PDGFRA: variants seen among roughly 807,000 people sequenced by gnomAD.
PDGFRA encodes the protein platelet-derived growth factor receptor alpha.
Under a neutral mutation model 121.5 loss-of-function variants are expected in PDGFRA, and 25 were observed. The observed-to-expected ratio is 0.21, with a 90% CI of 0.15 to 0.29. The LOEUF (loss-of-function observed/expected upper bound fraction) is 0.29, where lower values mean the gene tolerates loss of function less well. PDGFRA is among the 10% of genes least tolerant of loss of function. The pLI is 1.00. For missense variants in PDGFRA, 1,008 were observed against 1,345.1 expected, an observed-to-expected ratio of 0.75 and a Z score of 3.92; for synonymous variants, 463 against 494.8, an observed-to-expected ratio of 0.94 and a Z score of 0.85.
chr4:54,261,269 A>G lies in PDGFRA; in HGVS notation c.224A>G (p.Glu75Gly), dbSNP rs1379511323. The part of the protein sequence containing the change: ...ESSDVEIRNE[E>G]NNSGLFVTVL... ...TCCGATGTGGAAATCAGAAATGAAG[A>G]AAACAACAGCGGCCTTTTTGTGACG... The change falls in exon 3 of 23, where the codon GAA (glutamate) becomes GGA (glycine). Residue 75 changes from glutamate to glycine, a missense_variant. Around this residue, in one of 5 missense-constraint regions of PDGFRA, gnomAD observed 575 missense variants for 701.8 expected, o/e 0.82. Transcript: ENST00000257290. 1 of 1,614,190 alleles carries G rather than the reference A, an allele frequency of 6.2e-7. No homozygotes were observed. The highest frequency in any genetic ancestry group is 8.5e-7 in the Non-Finnish European group (1 of 1,180,030).
chr4:54,237,813 C>A (rs1213319885), intron 1 of PDGFRA, among the ~76,000 whole-genome samples: 1 of 151,862 alleles, frequency 6.6e-6, no homozygotes, highest in Admixed American at 6.5e-5. Context: ...TATAATTTGC[C>A]CTAGGAAATA....
At chr4:54,233,391 G>A (rs1350753461) in intron 1 of PDGFRA, among the ~76,000 whole-genome samples, 1 of 152,248 alleles carries the variant, frequency 6.6e-6, no homozygotes, top group East Asian at 1.9e-4. Flanking sequence ...ACTCCCGGCT[G>A]CGCTGTCGGG....
intron 8 of PDGFRA, among the ~76,000 whole-genome samples, chr4:54,271,811 G>T (rs575668454): frequency 1.2e-3 from 114 of 96,064 alleles, no homozygotes; most frequent in African/African-American, 4.1e-3. Context: ...TCTTTTCTTT[G>T]CCTTTCTCTC....
At chr4:54,264,054 G>A (rs1410991126) in intron 4 of PDGFRA, 127 bp downstream of exon 4, 3 of 812,522 alleles carry the variant, frequency 3.7e-6, no homozygotes, top group African/African-American at 3.5e-5. Context: ...TGGGGATTTA[G>A]GACCCCAGCT....
chr4:54,270,173 G>C (rs1213515757), intron 7 of PDGFRA, among the ~76,000 whole-genome samples: 1 of 152,108 alleles, frequency 6.6e-6, no homozygotes, highest in Admixed American at 6.6e-5. Flanking sequence ...ATATCCTGCA[G>C]ACCGCTACAT....
chr4:54,288,881 C>T lies in PDGFRA; in HGVS notation c.2757C>T (p.Asp919=), dbSNP rs1189646004. ...GTGGGTACCGGATGGCCAAGCCTGA[C>T]CACGCTACCAGTGAAGTGTGAGCTC... The part of the protein sequence containing the change: ...IKSGYRMAKP[D]HATSEVYEIM... The change falls in exon 20 of 23, where the codon GAC becomes GAT. Residue 919 remains aspartate, a synonymous_variant. Coordinates refer to ENST00000257290, the MANE Select transcript of PDGFRA (RefSeq NM_006206.6). 6.2e-7 allele frequency: 1 copy of T among 1,607,760 alleles called. No homozygotes were observed. Among genetic ancestry groups the T allele is most frequent in the African/African-American group, 1.3e-5 (1 of 74,824 alleles).
chr4:54,285,589 G>A, intron 17 of PDGFRA, 103 bp downstream of exon 17: 1 of 752,282 alleles, frequency 1.3e-6, no homozygotes, highest in African/African-American at 1.7e-5. Context: ...TAATAACAGG[G>A]GCCTCTTACT....
chr4:54,263,980 A>G (rs2110254576), intron 4 of PDGFRA, 53 bp downstream of exon 4: 2 of 1,556,936 alleles, frequency 1.3e-6, no homozygotes, highest in African/African-American at 1.4e-5. Context: ...GCAAAATCAT[A>G]AGGTGCGTGT....
chr4:54,235,628 G>C, intron 1 of PDGFRA, among the ~76,000 whole-genome samples: 1 of 152,238 alleles, frequency 6.6e-6, no homozygotes, highest in East Asian at 1.9e-4. Context: ...GGTCATGGGA[G>C]TGGACTGCTG....
chr4:54,267,792 C>T lies in PDGFRA; in HGVS notation c.1121+51C>T, dbSNP rs28650939. 216,891 of 1,481,638 alleles carry T rather than the reference C, an allele frequency of 0.15. 19,093 individuals carry two copies. The highest frequency in any genetic ancestry group is 0.36 in the Admixed American group (21,574 of 59,214). The allele number at this position is 1,481,638 out of a possible 1,614,324, so 91.8% of individuals were successfully genotyped here. ...GCCTTTTTTTAGTGTGCATCAGAGGCGGACTGAGGTTTGTGTGTGTCTTAC... is the reference window on the plus strand; with the variant it reads ...GCCTTTTTTTAGTGTGCATCAGAGGTGGACTGAGGTTTGTGTGTGTCTTAC... On this transcript the variant is annotated intron_variant, in intron 7 of 22. Transcript: ENST00000257290.
At chr4:54,229,560 AT>A (rs920838716) in intron 1 of PDGFRA, 145 bp downstream of exon 1, 3,885 of 314,760 alleles carry the variant, frequency 0.012, no homozygotes, top group Middle Eastern at 0.02. Context: ...CCAGAGAGTA[AT>A]TTTTTTTTTT....
chr4:54,270,681 C>T lies in PDGFRA; in HGVS notation c.1170C>T (p.Gly390=), dbSNP rs1050708855. ...TCCGTGCTAAGGAAGAAGACAGTGG[C>T]CATTATACTATTGTAGCTCAAAATG... ...KLIRAKEEDS[G]HYTIVAQNED... is the part of the protein sequence containing the mutation. The change falls in exon 8 of 23, where the codon GGC becomes GGT. Residue 390 remains glycine (G), a synonymous_variant. Transcript: ENST00000257290. The T allele has an allele frequency of 4.3e-6, 7 of 1,612,084 alleles. No homozygotes were observed. The Admixed American group carries it at 5.0e-5, about 12-fold the overall frequency.
chr4:54,285,188 G>A (rs565619206), intron 16 of PDGFRA, among the ~76,000 whole-genome samples, 183 bp from the exon 17 acceptor site: 3 of 152,140 alleles, frequency 2.0e-5, no homozygotes, highest in Middle Eastern at 3.4e-3. Flanking sequence ...AAGCCACCAT[G>A]CCTGGCCTAT....
intron 2 of PDGFRA, among the ~76,000 whole-genome samples, chr4:54,260,247 C>G (rs1375737695): frequency 1.3e-5 from 2 of 151,998 alleles, no homozygotes; most frequent in African/African-American, 4.8e-5. Flanking sequence ...ACAAATAAAT[C>G]CACATCATCC....
intron 3 of PDGFRA, among the ~76,000 whole-genome samples, chr4:54,262,460 A>G (rs1722803770): frequency 6.6e-6 from 1 of 152,218 alleles, no homozygotes; most frequent in Non-Finnish European, 1.5e-5. Flanking sequence ...GACTATGGCT[A>G]GAATCCTTGG....
At chr4:54,284,598 G>GA (rs1724224844) in intron 16 of PDGFRA, among the ~76,000 whole-genome samples, 1 of 141,324 alleles carries the variant, frequency 7.1e-6, no homozygotes, top group African/African-American at 2.6e-5. Context: ...GAGAGAGAGA[G>GA]GTGCCATACA....
intron 1 of PDGFRA, among the ~76,000 whole-genome samples, chr4:54,247,908 A>G (rs1366132690): frequency 6.6e-6 from 1 of 152,236 alleles, no homozygotes; most frequent in Non-Finnish European, 1.5e-5. Flanking sequence ...AAAAATCACA[A>G]GCATTCTTAT....
At chr4:54,268,458 A>G (rs1723160394) in intron 7 of PDGFRA, among the ~76,000 whole-genome samples, 1 of 152,208 alleles carries the variant, frequency 6.6e-6, no homozygotes, top group African/African-American at 2.4e-5. Context: ...CAAGAGTCAG[A>G]AGATACATCT....
intron 1 of PDGFRA, among the ~76,000 whole-genome samples, chr4:54,251,567 C>T (rs370072102): frequency 1.3e-5 from 2 of 152,290 alleles, no homozygotes; most frequent in Admixed American, 6.5e-5. Flanking sequence ...CAGATACAAA[C>T]AGACTGCTTT....
Sources: allele counts gnomAD v4.1 joint callset (sites outside exome capture counted in the v4.1 genomes callset), GRCh38; gene constraint gnomAD v4.1.1; regional missense constraint gnomAD v4.1.1; transcripts MANE v1.5; gene names NCBI Gene and HGNC (gene_info 2026-07-23, HGNC 2026-07-21).